Variants in RBFOX1 observed in about 807,000 individuals in gnomAD.
RBFOX1 encodes the protein RNA binding protein fox-1 homolog 1.
Under a neutral mutation model 57.7 loss-of-function variants are expected in RBFOX1, and 8 were observed. That is an observed-to-expected ratio of 0.14 (90% CI 0.08 to 0.25). RBFOX1 has a LOEUF of 0.25. Among genes scored for constraint, RBFOX1 ranks in the 10% least tolerant of loss-of-function variants. RBFOX1 has a pLI of 1.00. For missense variants in RBFOX1, 611 were observed against 548.5 expected, an observed-to-expected ratio of 1.11 and a Z score of -1.14; for synonymous variants, 326 against 222.4, an observed-to-expected ratio of 1.47 and a Z score of -4.15.
chr16:7,679,307 C>G (rs565883300), intron 14 of RBFOX1, among the ~76,000 whole-genome samples: 1 of 152,270 alleles, frequency 6.6e-6, no homozygotes, highest in African/African-American at 2.4e-5. Context: ...TAATTTCTCT[C>G]AGAAGTAGCA....
At chr16:5,725,212 C>G (rs887669037) in intron 3 of RBFOX1, among the ~76,000 whole-genome samples, 1 of 152,076 alleles carries the variant, frequency 6.6e-6, no homozygotes. Flanking sequence ...GCTGTGTGCC[C>G]TCTAGTCTGC....
chr16:7,440,393 G>C (rs540664760), intron 4 of RBFOX1, among the ~76,000 whole-genome samples: 5 of 152,162 alleles, frequency 3.3e-5, no homozygotes, highest in South Asian at 4.2e-4. Context: ...AAATGAATAT[G>C]GTGATTTCAG....
At chr16:7,051,916 C>T (rs542555607) in intron 3 of RBFOX1, 141 bp from the exon 4 acceptor site, 96 of 1,309,280 alleles carry the variant, frequency 7.3e-5, no homozygotes, top group Non-Finnish European at 9.7e-5. Flanking sequence ...GCTATGTAGA[C>T]CTAAAGAAAA....
In RBFOX1 at chr16:5,446,392, C is replaced by T. The variant is rs76026230; in HGVS notation, c.220-20824C>T. ...GGAAAGTTAGATTCAAACATGCTCACTGGAAATGTTTCTTTCCTCTTTTTT... is the reference window on the plus strand; with the variant it reads ...GGAAAGTTAGATTCAAACATGCTCATTGGAAATGTTTCTTTCCTCTTTTTT... On this transcript the variant is annotated intron_variant, in intron 1 of 2. Coordinates refer to the RBFOX1 transcript ENST00000585867. 1.4e-3 allele frequency among the ~76,000 whole-genome samples: 213 copies of T among 152,304 alleles called. 5 individuals carry two copies. The East Asian group carries it at 0.037, about 26-fold the overall frequency.
At chr16:6,817,457 G>A (rs1452165747) in intron 3 of RBFOX1, among the ~76,000 whole-genome samples, 2 of 151,212 alleles carry the variant, frequency 1.3e-5, no homozygotes, top group African/African-American at 2.4e-5. Flanking sequence ...GCTTTGTGAG[G>A]CAGAGGCAGG....
intron 4 of RBFOX1, among the ~76,000 whole-genome samples, chr16:5,873,266 A>G (rs1280409577): frequency 5.9e-5 from 9 of 152,216 alleles, no homozygotes; most frequent in African/African-American, 2.2e-4. Context: ...CCTTTGCAAC[A>G]TGGCTGTATC....
intron 2 of RBFOX1, among the ~76,000 whole-genome samples, chr16:6,604,179 A>T (rs2097894019): frequency 1.3e-5 from 2 of 151,940 alleles, no homozygotes; most frequent in South Asian, 4.1e-4. Context: ...AGTCACTGTG[A>T]TCAACCCAGC....
intron 4 of RBFOX1, among the ~76,000 whole-genome samples, chr16:7,486,107 G>A (rs1396149650): frequency 7.1e-6 from 1 of 140,468 alleles, no homozygotes; most frequent in African/African-American, 2.6e-5. Context: ...GGGTATTTGT[G>A]TGTTTGTGTC....
rs561061239 is a variant in RBFOX1, at chr16:7,415,435, A to G, written c.28-102712A>G. 5.9e-5 allele frequency among the ~76,000 whole-genome samples: 9 copies of G among 152,282 alleles called. No individual in the cohort carries two copies. In the South Asian group the frequency reaches 1.9e-3, roughly 32 times the overall value. The stretch of plus-strand genomic sequence containing the variant: ...GATGAACTTCAAGCTCATGTAAGAG[A>G]TTACTGAATTTCCCAGCAATGAGTA... On this transcript the variant is annotated intron_variant, in intron 4 of 15. Transcript: ENST00000550418.
rs2098092206 is a variant in RBFOX1 at position 6,613,196 on chromosome 16, C to A, written c.-63-41407C>A. On this transcript the variant is annotated intron_variant, in intron 2 of 15. Transcript: ENST00000550418. Reference sequence around the variant, plus strand: ...TCCCTCACAAGGCAGCCATTAGCATCAGCTTCCAAGCAGCTCCCCCACTGT... The same window carrying A: ...TCCCTCACAAGGCAGCCATTAGCATAAGCTTCCAAGCAGCTCCCCCACTGT... Among the ~76,000 whole-genome samples, 4 of 152,106 alleles carry A rather than the reference C, an allele frequency of 2.6e-5. No individual in the cohort carries two copies. In the South Asian group the frequency reaches 6.2e-4, roughly 24 times the overall value.
chr16:7,360,930 C>G (rs1007895932), intron 4 of RBFOX1, among the ~76,000 whole-genome samples: 1 of 152,206 alleles, frequency 6.6e-6, no homozygotes, highest in African/African-American at 2.4e-5. Context: ...GTCTCATCCA[C>G]TGCGTATGAG....
chr16:7,563,427 A>C (rs943509756), intron 5 of RBFOX1, among the ~76,000 whole-genome samples: 10 of 152,160 alleles, frequency 6.6e-5, no homozygotes, highest in African/African-American at 2.4e-4. Context: ...AAGTCTATAA[A>C]TGTGTCTTGT....
intron 1 of RBFOX1, among the ~76,000 whole-genome samples, chr16:6,231,212 G>T (rs1025156628): frequency 1.9e-5 from 2 of 103,448 alleles, no homozygotes; most frequent in Non-Finnish European, 4.3e-5. Context: ...GTGTGTGTAT[G>T]TGTTTGTGTG....
intron 14 of RBFOX1, among the ~76,000 whole-genome samples, chr16:7,704,471 A>G (rs905302753): frequency 1.3e-5 from 2 of 152,182 alleles, no homozygotes; most frequent in African/African-American, 2.4e-5. Context: ...GCTGACCCAG[A>G]GTCTTCAAAA....
chr16:5,395,627 C>G (rs2066530326), intron 1 of RBFOX1, among the ~76,000 whole-genome samples: 1 of 152,214 alleles, frequency 6.6e-6, no homozygotes, highest in Admixed American at 6.5e-5. Flanking sequence ...ATGTCTGTGA[C>G]TTTGTGTGAT....
At chr16:5,763,634 C>G (rs1014583584) in intron 3 of RBFOX1, among the ~76,000 whole-genome samples, 3 of 152,238 alleles carry the variant, frequency 2.0e-5, no homozygotes, top group Admixed American at 6.5e-5. Context: ...GAAGTCAGCA[C>G]AAATCTGAAA....
At chr16:6,420,755 G>T (rs1479094618) in intron 2 of RBFOX1, among the ~76,000 whole-genome samples, 1 of 152,212 alleles carries the variant, frequency 6.6e-6, no homozygotes, top group African/African-American at 2.4e-5. Flanking sequence ...TCAGTGCAGA[G>T]ACCAGAGAAA....
At chr16:6,806,341 A>G (rs1199569246) in intron 3 of RBFOX1, among the ~76,000 whole-genome samples, 1 of 152,200 alleles carries the variant, frequency 6.6e-6, no homozygotes, top group Non-Finnish European at 1.5e-5. Flanking sequence ...CATCCAAAAA[A>G]CTATAGAGTT....
At chr16:6,230,598 G>A (rs1040402709) in intron 1 of RBFOX1, among the ~76,000 whole-genome samples, 11 of 152,192 alleles carry the variant, frequency 7.2e-5, no homozygotes, top group Non-Finnish European at 1.5e-4. Context: ...GATCAGCTGG[G>A]TGGAGGAGTG....
Sources: allele counts gnomAD v4.1 joint callset (sites outside exome capture counted in the v4.1 genomes callset), GRCh38; gene constraint gnomAD v4.1.1; transcripts MANE v1.5; gene names NCBI Gene and HGNC (gene_info 2026-07-23, HGNC 2026-07-21).